The following DNAH14 variants were observed in gnomAD, a reference collection of about 807,000 sequenced individuals.
DNAH14 encodes axonemal beta dynein heavy chain 14.
DNAH14 carries 478 observed loss-of-function variants against 520.9 expected under a neutral mutation model. That is an observed-to-expected ratio of 0.92 (90% confidence interval 0.85 to 0.99). The LOEUF is 0.99. DNAH14 is among the 50% of genes least tolerant of loss of function. DNAH14 has a pLI of 0.00. For synonymous variants in DNAH14, 1,581 were observed against 1,757.2 expected, an observed-to-expected ratio of 0.90 and a Z score of 2.51; for missense variants, 4,831 against 5,234.5, an observed-to-expected ratio of 0.92 and a Z score of 2.38.
At chr1:224,930,669 C>T (rs2058633076) in intron 1 of DNAH14, among the ~76,000 whole-genome samples, 1 of 152,144 alleles carries the variant, frequency 6.6e-6, no homozygotes, top group Non-Finnish European at 1.5e-5. Context: ...GCGACCTGGG[C>T]TCACTGCAAG....
At position 224,995,302 on chromosome 1, in the gene DNAH14, G is replaced by T. The variant is rs567914701; in HGVS notation, c.831-7481G>T. Among the ~76,000 whole-genome samples the T allele has an allele frequency of 6.6e-5, 10 of 152,052 alleles. No individual in the cohort carries two copies. In the South Asian group the frequency reaches 1.9e-3, roughly 28 times the overall value. On this transcript the variant is annotated intron_variant, in intron 8 of 85. Transcript: ENST00000682510. ...TGCCTCATTTCTGAATGACAGCTTT[G>T]CTGGGGAAAATATTTTTGGCTTGCA...
intron 66 of DNAH14, among the ~76,000 whole-genome samples, chr1:225,335,132 T>C (rs1173236341): frequency 3.6e-5 from 5 of 139,640 alleles, no homozygotes; most frequent in East Asian, 2.2e-4. Context: ...TGTACATATG[T>C]GCATGTGCAC....
intron 55 of DNAH14, among the ~76,000 whole-genome samples, chr1:225,298,633 C>T (rs1450988521): frequency 6.6e-6 from 1 of 152,106 alleles, no homozygotes; most frequent in Admixed American, 6.5e-5. Flanking sequence ...TGGCTACTGG[C>T]CCCTAGAGCA....
intron 41 of DNAH14, among the ~76,000 whole-genome samples, chr1:225,214,222 A>C (rs1020112747): frequency 1.3e-5 from 2 of 152,084 alleles, no homozygotes; most frequent in South Asian, 4.1e-4. Flanking sequence ...GTTGATTTGC[A>C]TATGTTGAAC....
intron 55 of DNAH14, among the ~76,000 whole-genome samples, chr1:225,296,349 C>A (rs1421919044): frequency 6.6e-6 from 1 of 152,116 alleles, no homozygotes; most frequent in African/African-American, 2.4e-5. Context: ...GGTCAAACAC[C>A]GTGCCTGGCC....
At chr1:225,143,443 T>C (rs188574818) in intron 28 of DNAH14, among the ~76,000 whole-genome samples, 20 of 152,288 alleles carry the variant, frequency 1.3e-4, no homozygotes, top group Non-Finnish European at 2.9e-4. Context: ...ATTTACTCAC[T>C]TTTCCAGATT....
At chr1:225,116,728 G>C (rs543853179) in intron 23 of DNAH14, among the ~76,000 whole-genome samples, 2 of 152,170 alleles carry the variant, frequency 1.3e-5, no homozygotes, top group African/African-American at 4.8e-5. Context: ...ACTTTTGATG[G>C]AAAATAATAA....
At chr1:225,071,977 C>A (rs1464301020) in intron 17 of DNAH14, among the ~76,000 whole-genome samples, 1 of 152,062 alleles carries the variant, frequency 6.6e-6, no homozygotes. Context: ...CCGCCTTTAA[C>A]ATTTTTTCTT....
At chr1:225,290,643 G>A (rs201751545) in intron 55 of DNAH14, among the ~76,000 whole-genome samples, 3,501 of 49,104 alleles carry the variant, frequency 0.071, 164 homozygotes, top group African/African-American at 0.16. Context: ...GTGTGTGTGT[G>A]TGTGTATATA....
intron 49 of DNAH14, among the ~76,000 whole-genome samples, chr1:225,270,483 A>G (rs1486774677): frequency 6.6e-6 from 1 of 152,208 alleles, no homozygotes; most frequent in African/African-American, 2.4e-5. Context: ...ATTTTAAAAA[A>G]CAGGACCATT....
chr1:225,079,139 A>C (rs1050457820), intron 17 of DNAH14, 68 bp from the exon 18 acceptor site: 2 of 1,348,556 alleles, frequency 1.5e-6, no homozygotes, highest in Non-Finnish European at 2.0e-6. Flanking sequence ...GAGAAATTAA[A>C]AAGAGTAATT....
At chr1:225,059,051 G>A (rs949765420) in intron 17 of DNAH14, among the ~76,000 whole-genome samples, 9 of 152,206 alleles carry the variant, frequency 5.9e-5, no homozygotes, top group African/African-American at 2.2e-4. Context: ...TCCGCTTGGT[G>A]CAGAGCTGAG....
At chr1:225,338,645 T>C (rs1433002987) in intron 68 of DNAH14, among the ~76,000 whole-genome samples, 1 of 152,170 alleles carries the variant, frequency 6.6e-6, no homozygotes, top group Non-Finnish European at 1.5e-5. Flanking sequence ...GTAAAGGGAC[T>C]CCAGGAAATC....
At chr1:225,244,071 A>C (rs532141964) in intron 43 of DNAH14, among the ~76,000 whole-genome samples, 1 of 152,112 alleles carries the variant, frequency 6.6e-6, no homozygotes, top group East Asian at 1.9e-4. Flanking sequence ...TGTTGAATTT[A>C]TCGAAGGCCT....
intron 5 of DNAH14, 59 bp from the exon 6 acceptor site, chr1:224,967,372 A>C (rs1451341297): frequency 7.9e-7 from 1 of 1,268,098 alleles, no homozygotes; most frequent in African/African-American, 1.6e-5. Context: ...CCATTGTATT[A>C]ATTTAGTTAA....
At position 225,358,497 on chromosome 1, in the gene DNAH14, T is replaced by C. The variant is rs1267587109; in HGVS notation, c.11621T>C (p.Val3874Ala). The C allele has an allele frequency of 1.3e-6, 2 of 1,508,436 alleles. No homozygotes were observed. The highest frequency in any genetic ancestry group is 2.9e-5 in the African/African-American group (2 of 70,126). 93.4% of individuals were successfully genotyped at this position (1,508,436 alleles called of 1,614,324 possible). A position where few individuals can be genotyped will look rare whatever the true frequency, so the allele number is the denominator to read the frequency against. Residue 3874 changes from valine to alanine, a missense_variant and splice_region_variant, in exon 74 of 86, where the codon GTA becomes GCA. Val to Ala is a moderately conservative substitution (Grantham distance 64, BLOSUM62 0). Coordinates refer to ENST00000682510, the MANE Select transcript of DNAH14 (RefSeq NM_001367479.1). ...KLTSFQRLIL[V>A]KVLRPESLNN... The stretch of plus-strand genomic sequence containing the variant: ...TATCTTCCATGTTTTCTTTTTTAGG[T>C]AAAAGTTCTTAGACCAGAAAGTTTA...
intron 1 of DNAH14, among the ~76,000 whole-genome samples, chr1:224,938,429 A>G (rs1190144090): frequency 6.7e-6 from 1 of 149,868 alleles, no homozygotes; most frequent in Non-Finnish European, 1.5e-5. Context: ...GCCAAAAGGC[A>G]TATGAAAACG....
At chr1:225,043,220 A>G in intron 13 of DNAH14, 106 bp downstream of exon 13, 2 of 1,065,448 alleles carry the variant, frequency 1.9e-6, no homozygotes, top group Non-Finnish European at 2.6e-6. Flanking sequence ...ACTTGATGCC[A>G]GAAGTTTGAG....
intron 8 of DNAH14, among the ~76,000 whole-genome samples, chr1:224,990,950 A>T (rs2062988709): frequency 6.6e-6 from 1 of 151,976 alleles, no homozygotes; most frequent in Non-Finnish European, 1.5e-5. Flanking sequence ...ATCCTTGCCA[A>T]CACTCATTTA....
Sources: allele counts gnomAD v4.1 joint callset (sites outside exome capture counted in the v4.1 genomes callset), GRCh38; gene constraint gnomAD v4.1.1; transcripts MANE v1.5; gene names NCBI Gene and HGNC (gene_info 2026-07-23, HGNC 2026-07-21).